Variants in VWA8 observed in about 807,000 individuals in gnomAD.
VWA8 encodes the protein von Willebrand factor A domain containing 8, also known as von Willebrand factor A domain-containing protein 8.
In VWA8, 221 loss-of-function variants were observed where a neutral mutation model predicts 241.5. The observed-to-expected ratio is 0.91, with a 90% confidence interval of 0.82 to 1.02. The LOEUF is 1.02. Ranked by LOEUF, VWA8 falls within the 50% of genes least tolerant of loss-of-function variation. The pLI, the probability that VWA8 is intolerant of heterozygous loss-of-function variation, is 0.00. For missense variants in VWA8, 2,322 were observed against 2,328.7 expected (o/e 1.00, Z 0.06); for synonymous variants, 852 against 827.1 (o/e 1.03, Z -0.52).
At chr13:41,609,053 G>C (rs964390019) in intron 39 of VWA8, among the ~76,000 whole-genome samples, 1 of 152,204 alleles carries the variant, frequency 6.6e-6, no homozygotes, top group African/African-American at 2.4e-5. Flanking sequence ...ATGCACGTGT[G>C]TGTCATTCAT....
In VWA8 at chr13:41,885,960, T is replaced by G. The variant is rs2138078352; in HGVS notation, c.935A>C (p.Asp312Ala). The change falls in exon 8 of 45, where the codon GAC becomes GCC. Residue 312 changes from aspartate to alanine, a missense_variant. Asp to Ala is a moderately radical substitution (Grantham distance 126). Transcript: ENST00000379310. ...SQESSTLGLP[D>A]FPLDSLAAAV... ...AGCTGCTAAACTATCTAAAGGAAAG[T>G]CTGGAAGTCCAAGAGTAGAAGATTC... 1.2e-6 allele frequency: 2 copies of G among 1,606,780 alleles called. No individual in the cohort carries two copies. The highest frequency in any genetic ancestry group is 1.7e-4 in the Middle Eastern group (1 of 6,048).
At position 41,778,832 on chromosome 13, in the gene VWA8, C is replaced by CTTT. The variant is rs71096543; in HGVS notation, c.2278-779_2278-777dup. Among the ~76,000 whole-genome samples the CTTT allele has an allele frequency of 7.5e-4, 62 of 82,674 alleles. 2 individuals carry two copies. Among genetic ancestry groups the CTTT allele is most frequent in the Non-Finnish European group, 9.7e-4 (42 of 43,458 alleles). 54.2% of individuals were successfully genotyped at this position (82,674 alleles called of 152,430 possible). A position where few individuals can be genotyped will look rare whatever the true frequency, so the allele number is the denominator to read the frequency against. On this transcript the variant is annotated intron_variant, in intron 19 of 44. Transcript: ENST00000379310. ...CTGCAGATATTTTTCCAGTACGTCA[C>CTTT]TTTTTTTTTTTTTTTTTTTTTTTTT...
At chr13:41,722,186 A>T (rs2045398289) in intron 24 of VWA8, among the ~76,000 whole-genome samples, 1 of 152,178 alleles carries the variant, frequency 6.6e-6, no homozygotes, top group African/African-American at 2.4e-5. Context: ...AGATTGATAG[A>T]ATATACTTTA....
intron 21 of VWA8, among the ~76,000 whole-genome samples, chr13:41,748,805 T>G (rs550648369): frequency 6.6e-6 from 1 of 152,174 alleles, no homozygotes; most frequent in African/African-American, 2.4e-5. Flanking sequence ...TGGCTAGCCA[T>G]ATGTAGAAAG....
At chr13:41,572,383 A>G (rs1300857867) in intron 43 of VWA8, among the ~76,000 whole-genome samples, 5 of 152,206 alleles carry the variant, frequency 3.3e-5, no homozygotes. Context: ...GGGAAAAGAG[A>G]TCAGATTGTT....
intron 9 of VWA8, among the ~76,000 whole-genome samples, chr13:41,876,734 A>G (rs966187767): frequency 6.6e-6 from 1 of 152,166 alleles, no homozygotes; most frequent in African/African-American, 2.4e-5. Context: ...AGTGAATATT[A>G]TAACTCTTCA....
chr13:41,760,898 C>G (rs1030159663), intron 21 of VWA8, among the ~76,000 whole-genome samples: 1 of 151,980 alleles, frequency 6.6e-6, no homozygotes, highest in Admixed American at 6.6e-5. Flanking sequence ...GTTCATCACT[C>G]TCTGTCCACA....
At chr13:41,586,564 G>A (rs1010575650) in intron 42 of VWA8, among the ~76,000 whole-genome samples, 1 of 152,172 alleles carries the variant, frequency 6.6e-6, no homozygotes, top group African/African-American at 2.4e-5. Flanking sequence ...AAATTCAGGG[G>A]GGGCAGTATC....
At chr13:41,586,162 TAAAAA>T (rs59043149) in intron 42 of VWA8, among the ~76,000 whole-genome samples, 8 of 135,098 alleles carry the variant, frequency 5.9e-5, no homozygotes, top group Admixed American at 4.4e-4. Context: ...CCATAAAGCA[TAAAAA>T]AAAAAAAATC....
chr13:41,674,177 C>A (rs1593689060), intron 36 of VWA8, among the ~76,000 whole-genome samples: 1 of 151,840 alleles, frequency 6.6e-6, no homozygotes, highest in South Asian at 2.1e-4. Flanking sequence ...TTTTTTTAAT[C>A]TGATTAAAGG....
intron 2 of VWA8, among the ~76,000 whole-genome samples, chr13:41,914,308 G>C (rs1876153074): frequency 6.6e-6 from 1 of 152,200 alleles, no homozygotes; most frequent in Non-Finnish European, 1.5e-5. Flanking sequence ...ATAAAGAAAA[G>C]TAGATTGAAA....
chr13:41,932,667 A>T (rs1157099589), intron 2 of VWA8, among the ~76,000 whole-genome samples: 1 of 151,956 alleles, frequency 6.6e-6, no homozygotes, highest in East Asian at 1.9e-4. Flanking sequence ...TCTGAAAATC[A>T]ATCAATGTAA....
At chr13:41,659,220 G>T (rs1199236519) in intron 37 of VWA8, among the ~76,000 whole-genome samples, 2 of 152,194 alleles carry the variant, frequency 1.3e-5, no homozygotes, top group African/African-American at 4.8e-5. Context: ...CCAGTCAGAA[G>T]TATGTAAGAA....
At chr13:41,883,630 G>T in intron 8 of VWA8, 139 bp from the exon 9 acceptor site, 1 of 602,190 alleles carries the variant, frequency 1.7e-6, no homozygotes, top group Non-Finnish European at 2.9e-6. Flanking sequence ...GTCTACAAAA[G>T]CAAATATTCA....
chr13:41,673,879 C>T (rs926428510), intron 36 of VWA8, among the ~76,000 whole-genome samples: 13 of 151,402 alleles, frequency 8.6e-5, no homozygotes, highest in Non-Finnish European at 1.5e-4. Flanking sequence ...GTGATTCATA[C>T]GGAAAGTTAA....
intron 24 of VWA8, among the ~76,000 whole-genome samples, chr13:41,724,096 T>C (rs956558108): frequency 1.3e-5 from 2 of 152,172 alleles, no homozygotes; most frequent in Non-Finnish European, 2.9e-5. Context: ...ATATACTATA[T>C]TAAATACTGC....
In VWA8 at chr13:41,884,501, T is replaced by C. The variant is rs542134720; in HGVS notation, c.976-1010A>G. Among the ~76,000 whole-genome samples the C allele has an allele frequency of 6.7e-4, 101 of 151,784 alleles. 3 individuals are homozygous for C. In the South Asian group the frequency reaches 0.019, roughly 29 times the overall value. On this transcript the variant is annotated intron_variant, in intron 8 of 44. Transcript: ENST00000379310. ...TTACCCAGTCTCAGGTATTTCTTCA[T>C]AGCAGCGGGAGAACGAACTGATACA...
At chr13:41,897,296 T>G (rs1416238253) in intron 4 of VWA8, among the ~76,000 whole-genome samples, 1 of 151,468 alleles carries the variant, frequency 6.6e-6, no homozygotes, top group African/African-American at 2.4e-5. Context: ...AGATGGCCAG[T>G]AAGGAAATGC....
At chr13:41,792,058 T>A (rs1032212097) in intron 17 of VWA8, among the ~76,000 whole-genome samples, 6 of 151,880 alleles carry the variant, frequency 4.0e-5, no homozygotes, top group African/African-American at 1.4e-4. Flanking sequence ...TGATAGCTGA[T>A]TATTATTTTA....
Sources: allele counts gnomAD v4.1 joint callset (sites outside exome capture counted in the v4.1 genomes callset), GRCh38; gene constraint gnomAD v4.1.1; transcripts MANE v1.5; gene names NCBI Gene and HGNC (gene_info 2026-07-23, HGNC 2026-07-21).